PYHIN1: variants seen among roughly 807,000 people sequenced by gnomAD.
The protein encoded by PYHIN1 is pyrin and HIN domain-containing protein 1.
In PYHIN1, 32 loss-of-function variants were observed where a neutral mutation model predicts 43.7. The observed-to-expected ratio is 0.73, with a 90% CI of 0.55 to 0.98. The LOEUF (loss-of-function observed/expected upper bound fraction) is 0.98. PYHIN1 is among the 50% of genes least tolerant of loss of function. The pLI, the probability that PYHIN1 is intolerant of heterozygous loss-of-function variation, is 0.00. For missense variants in PYHIN1, 588 were observed against 589.5 expected, an observed-to-expected ratio of 1.00 and a Z score of 0.03; for synonymous variants, 205 against 203.1, an observed-to-expected ratio of 1.01 and a Z score of -0.08.
rs914428170 is a variant in PYHIN1 at position 158,941,887 on chromosome 1, C to T, written c.580-90C>T. ...TCTACACATCTACAACTTTTGGGGG[C>T]CCAATGTTGTGCCTTGAGGTCACTG... On this transcript the variant is annotated intron_variant, in intron 4 of 8. Coordinates refer to ENST00000368140, the MANE Select transcript of PYHIN1 (RefSeq NM_152501.5). 46 of 1,249,530 alleles carry T rather than the reference C, an allele frequency of 3.7e-5. 1 individual carries two copies. The highest frequency in any genetic ancestry group is 5.0e-5 in the Non-Finnish European group (46 of 922,800). The allele number at this position is 1,249,530 out of a possible 1,614,324, so 77.4% of individuals were successfully genotyped here.
intron 7 of PYHIN1, among the ~76,000 whole-genome samples, chr1:158,950,066 T>TA (rs1347285822): frequency 1.3e-5 from 2 of 152,160 alleles, no homozygotes; most frequent in African/African-American, 4.8e-5. Context: ...CCATTGGGTG[T>TA]AAATCTAACC....
intron 6 of PYHIN1, 147 bp downstream of exon 6, chr1:158,944,125 T>A (rs1263499168): frequency 2.4e-6 from 1 of 417,068 alleles, no homozygotes; most frequent in African/African-American, 2.4e-5. Context: ...TACATTTAAA[T>A]AGAGAAAATT....
At chr1:158,937,251 G>T (rs1648616816) in intron 2 of PYHIN1, 76 bp downstream of exon 2, 13 of 1,448,250 alleles carry the variant, frequency 9.0e-6, no homozygotes, top group Non-Finnish European at 1.1e-5. Flanking sequence ...CGCCACCTTG[G>T]TCGTAGCTGA....
chr1:158,968,854 C>T (rs2793855), intron 7 of PYHIN1, among the ~76,000 whole-genome samples: 146,172 of 152,028 alleles, frequency 0.96, 70,551 homozygotes, highest in East Asian at 1. Flanking sequence ...AGAGAACACA[C>T]GGACCCAAAG....
chr1:158,963,484 A>G (rs905094690), intron 7 of PYHIN1, among the ~76,000 whole-genome samples: 1 of 152,188 alleles, frequency 6.6e-6, no homozygotes, highest in Non-Finnish European at 1.5e-5. Flanking sequence ...ATCTGAGCTC[A>G]TCCCAGAGCT....
rs1651289596 is a variant in PYHIN1, at chr1:158,976,811, A to G, written c.*116A>G. 3.2e-6 allele frequency: 3 copies of G among 942,312 alleles called. No homozygotes were observed. Among genetic ancestry groups the G allele is most frequent in the Non-Finnish European group, 5.1e-6 (3 of 592,436 alleles). 58.4% of individuals were successfully genotyped at this position (942,312 alleles called of 1,614,324 possible). A position where few individuals can be genotyped will look rare whatever the true frequency, so the allele number is the denominator to read the frequency against. On this transcript the variant is annotated 3_prime_UTR_variant, in exon 9 of 9. Coordinates refer to ENST00000368140, the MANE Select transcript of PYHIN1 (RefSeq NM_152501.5). ...CCTGATGCCATTGGTAATGATGTTT[A>G]TGAAGATAAGATCAAAGCACAGAAA...
intron 7 of PYHIN1, among the ~76,000 whole-genome samples, chr1:158,955,046 A>G (rs1161934355): frequency 2.0e-5 from 3 of 152,146 alleles, no homozygotes; most frequent in Non-Finnish European, 2.9e-5. Flanking sequence ...CAACAAGAAG[A>G]GCTAACTATC....
intron 4 of PYHIN1, chr1:158,939,633 A>G: frequency 9.4e-7 from 1 of 1,067,626 alleles, no homozygotes; most frequent in Non-Finnish European, 1.4e-6. Context: ...TATTTCTTTC[A>G]CCTTTAAACT....
Sources: allele counts gnomAD v4.1 joint callset (sites outside exome capture counted in the v4.1 genomes callset), GRCh38; gene constraint gnomAD v4.1.1; transcripts MANE v1.5; gene names NCBI Gene and HGNC (gene_info 2026-07-23, HGNC 2026-07-21).